Variants in TOR1AIP1 observed in about 807,000 individuals in gnomAD.
TOR1AIP1 encodes the protein torsin 1A interacting protein 1, also known as torsin-1A-interacting protein 1.
A neutral mutation model predicts 63.3 loss-of-function variants in TOR1AIP1; 54 were observed. The ratio of observed to expected loss-of-function variants is 0.85; its 90% CI spans 0.69 to 1.07. The LOEUF is 1.07. Among genes scored for constraint, TOR1AIP1 ranks in the 50% least tolerant of loss-of-function variants. TOR1AIP1 has a pLI of 0.00. For synonymous variants in TOR1AIP1, 294 were observed against 273.5 expected, an observed-to-expected ratio of 1.07 and a Z score of -0.74; for missense variants, 736 against 715.0, an observed-to-expected ratio of 1.03 and a Z score of -0.33.
chr1:179,892,425 A>C (rs894661779), intron 3 of TOR1AIP1, among the ~76,000 whole-genome samples: 1 of 152,010 alleles, frequency 6.6e-6, no homozygotes, highest in East Asian at 1.9e-4. Flanking sequence ...GTGAGCCGCA[A>C]TCACGCCATT....
At chr1:179,910,248 C>T (rs1357622314) in intron 8 of TOR1AIP1, among the ~76,000 whole-genome samples, 1 of 152,194 alleles carries the variant, frequency 6.6e-6, no homozygotes, top group African/African-American at 2.4e-5. Context: ...CCTTTAACCT[C>T]CCTACTTTAC....
In TOR1AIP1 at chr1:179,882,756, C is replaced by G. The variant is rs200024298; in HGVS notation, c.254C>G (p.Thr85Ser). ...AKERSPVGKR[T>S]RLEEFRSDSA... ...GAAAGGTCCCCGGTGGGAAAACGAA[C>G]CCGGCTAGAAGAGTTCCGGTCCGAT... Residue 85 changes from threonine to serine, a missense_variant, in exon 1 of 10, where the codon ACC (threonine) becomes AGC (serine). By Grantham distance (58) the Thr-to-Ser change is moderately conservative. This residue lies in a region of TOR1AIP1 where 464 missense variants were observed against 371.0 expected (regional missense o/e 1.25). Transcript: ENST00000606911. 1 of 1,614,188 alleles carries G rather than the reference C, an allele frequency of 6.2e-7. No individual in the cohort carries two copies. Among genetic ancestry groups the G allele is most frequent in the African/African-American group, 1.3e-5 (1 of 75,048 alleles).
intron 3 of TOR1AIP1, among the ~76,000 whole-genome samples, chr1:179,892,533 C>T (rs1007437513): frequency 6.6e-6 from 1 of 151,214 alleles, no homozygotes; most frequent in Non-Finnish European, 1.5e-5. Context: ...GTCAGGAGAT[C>T]GAGATCATCC....
chr1:179,889,303 A>G lies in TOR1AIP1; in HGVS notation c.554-10A>G, dbSNP rs373089502. 13 of 1,586,756 alleles carry G rather than the reference A, an allele frequency of 8.2e-6. No homozygotes were observed. The highest frequency in any genetic ancestry group is 6.7e-5 in the African/African-American group (5 of 74,498). On this transcript the variant is annotated splice_polypyrimidine_tract_variant and intron_variant, in intron 2 of 9. Coordinates refer to ENST00000606911, the MANE Select transcript of TOR1AIP1 (RefSeq NM_015602.4). ...ATATTTTTAAATGTTTTCTCTTCCT[A>G]TATTAGCAGTGAGTGAAGATCTTGT...
chr1:179,893,458 T>G (rs974539965), intron 3 of TOR1AIP1, among the ~76,000 whole-genome samples: 2 of 152,090 alleles, frequency 1.3e-5, no homozygotes, highest in Non-Finnish European at 2.9e-5. Context: ...TTTTCTTTTT[T>G]GAGACAGAGT....
chr1:179,899,933 C>T (rs1216408422), intron 3 of TOR1AIP1, among the ~76,000 whole-genome samples, 193 bp from the exon 4 acceptor site: 3 of 152,244 alleles, frequency 2.0e-5, no homozygotes, highest in Non-Finnish European at 4.4e-5. Flanking sequence ...GCGTGAGCCA[C>T]TGCACCCGGC....
At chr1:179,883,730 C>T (rs939972092) in intron 1 of TOR1AIP1, 2 of 455,836 alleles carry the variant, frequency 4.4e-6, no homozygotes, top group East Asian at 6.9e-5. Flanking sequence ...TTAGAGTTTT[C>T]GTCTAAATGG....
At chr1:179,909,945 G>A (rs1648780240) in intron 8 of TOR1AIP1, among the ~76,000 whole-genome samples, 1 of 152,096 alleles carries the variant, frequency 6.6e-6, no homozygotes, top group Non-Finnish European at 1.5e-5. Flanking sequence ...TGTACTTTTA[G>A]TAGAGACGGG....
At chr1:179,905,868 G>T (rs1292553076) in intron 6 of TOR1AIP1, among the ~76,000 whole-genome samples, 1 of 152,018 alleles carries the variant, frequency 6.6e-6, no homozygotes, top group Non-Finnish European at 1.5e-5. Context: ...CAGGAGAATC[G>T]CTTGAACCCA....
At chr1:179,904,949 T>A (rs1025689070) in intron 6 of TOR1AIP1, among the ~76,000 whole-genome samples, 13 of 152,198 alleles carry the variant, frequency 8.5e-5, no homozygotes, top group African/African-American at 2.9e-4. Context: ...GTTACTACTG[T>A]TTTTTTCTTT....
intron 3 of TOR1AIP1, among the ~76,000 whole-genome samples, chr1:179,895,660 G>A (rs763441326): frequency 2.8e-4 from 43 of 152,318 alleles, no homozygotes; most frequent in Middle Eastern, 3.4e-3. Flanking sequence ...AGCACTTCGG[G>A]AGGCCGAAGC....
intron 3 of TOR1AIP1, among the ~76,000 whole-genome samples, chr1:179,893,671 C>A (rs1648177723): frequency 6.6e-6 from 1 of 152,046 alleles, no homozygotes; most frequent in Admixed American, 6.5e-5. Context: ...GAACTCCTGA[C>A]CTCAAATGAT....
At chr1:179,912,081 G>C (rs908564091) in intron 8 of TOR1AIP1, among the ~76,000 whole-genome samples, 1 of 141,640 alleles carries the variant, frequency 7.1e-6, no homozygotes, top group African/African-American at 2.6e-5. Flanking sequence ...CTGGAGTGCA[G>C]TGGCGTGATC....
intron 8 of TOR1AIP1, chr1:179,913,633 A>G (rs1237416084): frequency 1.4e-6 from 1 of 702,242 alleles, no homozygotes; most frequent in African/African-American, 1.7e-5. Flanking sequence ...TTCAGATGGT[A>G]TAATATGTTT....
chr1:179,915,565 G>A (rs1648964534), intron 9 of TOR1AIP1, among the ~76,000 whole-genome samples: 1 of 152,214 alleles, frequency 6.6e-6, no homozygotes. Flanking sequence ...AGACCAGCCT[G>A]GCCAACATGG....
chr1:179,904,333 A>G (rs977178449), intron 6 of TOR1AIP1, among the ~76,000 whole-genome samples: 8 of 152,254 alleles, frequency 5.3e-5, no homozygotes, highest in African/African-American at 1.9e-4. Context: ...TAGTAGTTTG[A>G]GCCTATTTAT....
chr1:179,894,661 C>A (rs475434), intron 3 of TOR1AIP1, among the ~76,000 whole-genome samples: 90,589 of 151,608 alleles, frequency 0.6, 27,475 homozygotes, highest in East Asian at 0.76. Flanking sequence ...ACTCCACTGT[C>A]GGCAACAAGA....
chr1:179,903,631 C>T (rs1186285094), intron 5 of TOR1AIP1, among the ~76,000 whole-genome samples: 1 of 151,932 alleles, frequency 6.6e-6, no homozygotes, highest in Non-Finnish European at 1.5e-5. Flanking sequence ...CCTAAGGCCT[C>T]CCGAGTAGCT....
chr1:179,917,669 G>A lies in TOR1AIP1; in HGVS notation c.1182G>A (p.Leu394=), dbSNP rs767200335. The A allele has an allele frequency of 6.2e-7, 1 of 1,614,164 alleles. No homozygotes were observed. Among genetic ancestry groups the A allele is most frequent in the Non-Finnish European group, 8.5e-7 (1 of 1,180,036 alleles). Residue 394 remains leucine (L), a synonymous_variant, in exon 10 of 10, where the codon CTG becomes CTA. Coordinates refer to ENST00000606911, the MANE Select transcript of TOR1AIP1 (RefSeq NM_015602.4). The part of the protein sequence containing the change: ...EKLWKRSQTF[L]EKHLNSSHPR... ...TGTGGAAAAGGAGCCAAACATTCCT[G>A]GAAAAACATCTTAATAGCTCCCATC...
Sources: allele counts gnomAD v4.1 joint callset (sites outside exome capture counted in the v4.1 genomes callset), GRCh38; gene constraint gnomAD v4.1.1; regional missense constraint gnomAD v4.1.1; transcripts MANE v1.5; gene names NCBI Gene and HGNC (gene_info 2026-07-23, HGNC 2026-07-21).